STUB1: variants seen among roughly 807,000 people sequenced by gnomAD.
The protein encoded by STUB1 is STIP1 homology and U-box containing protein 1.
STUB1 carries 37 observed loss-of-function variants against 40.3 expected under a neutral mutation model. The observed-to-expected ratio is 0.92, with a 90% CI of 0.71 to 1.21. The LOEUF (loss-of-function observed/expected upper bound fraction) is 1.21, where lower values mean the gene tolerates loss of function less well. Ranked by LOEUF, STUB1 falls within the 50% of genes most tolerant of loss-of-function variation. The pLI is 0.00. For missense variants in STUB1, 460 were observed against 421.9 expected, an observed-to-expected ratio of 1.09 and a Z score of -0.79; for synonymous variants, 246 against 171.9, an observed-to-expected ratio of 1.43 and a Z score of -3.37.
In STUB1 at chr16:681,821, G is replaced by A. The variant is rs757171182; in HGVS notation, c.553G>A (p.Glu185Lys). 84 of 1,607,450 alleles carry A rather than the reference G, an allele frequency of 5.2e-5. No individual in the cohort carries two copies. The highest frequency in any genetic ancestry group is 1.7e-4 in the Middle Eastern group (1 of 6,056). The change falls in exon 4 of 7, where the codon GAG becomes AAG. Residue 185 changes from glutamate to lysine, a missense_variant. Physicochemically the swap from Glu to Lys is moderately conservative, Grantham distance 56. Coordinates refer to ENST00000219548, the MANE Select transcript of STUB1 (RefSeq NM_005861.4). ...RELEECQRNH[E>K]GDEDDSHVRA... ...GCTGGAAGAGTGCCAGCGAAACCAC[G>A]AGGGTGATGAGGACGACAGCCACGT...
chr16:681,213 A>G lies in STUB1; in HGVS notation c.221A>G (p.Gln74Arg). Reference sequence around the variant, plus strand: ...CGGGCCTTGTGCTACCTGAAGATGCAGCAGCACGAGCAGGCCCTGGCCGAC... The same window carrying G: ...CGGGCCTTGTGCTACCTGAAGATGCGGCAGCACGAGCAGGCCCTGGCCGAC... ...TNRALCYLKM[Q>R]QHEQALADCR... The change falls in exon 2 of 7, where the codon CAG (glutamine) becomes CGG (arginine). Residue 74 changes from glutamine (Q) to arginine (R), a missense_variant. By Grantham distance (43) the Gln-to-Arg change is conservative. Transcript: ENST00000219548. 1.2e-6 allele frequency: 2 copies of G among 1,609,222 alleles called. No individual in the cohort carries two copies. Among genetic ancestry groups the G allele is most frequent in the South Asian group, 1.1e-5 (1 of 90,458 alleles).
chr16:681,099 G>C, intron 1 of STUB1, 53 bp from the exon 2 acceptor site: 1 of 1,513,670 alleles, frequency 6.6e-7, no homozygotes, highest in African/African-American at 1.4e-5. Context: ...GTGGGTCAGA[G>C]TGGGCACGCT....
In STUB1 at chr16:681,943, G is replaced by A. The variant is rs541510778; in HGVS notation, c.612+63G>A. 105 of 1,612,554 alleles carry A rather than the reference G, an allele frequency of 6.5e-5. 1 individual carries two copies. The highest frequency in any genetic ancestry group is 5.9e-4 in the South Asian group (54 of 91,046). The stretch of plus-strand genomic sequence containing the variant: ...GTGCACGTGGCGTGGGAGCATCCCC[G>A]CCTTGTGTTGGGTCTGTGCCCCATG... On this transcript the variant is annotated intron_variant, in intron 4 of 6. Coordinates refer to ENST00000219548, the MANE Select transcript of STUB1 (RefSeq NM_005861.4).
chr16:681,972 G>T, intron 4 of STUB1, 48 bp from the exon 5 acceptor site: 1 of 1,612,758 alleles, frequency 6.2e-7, no homozygotes, highest in African/African-American at 1.3e-5. Flanking sequence ...CCCCATGGAG[G>T]AGGGAGGTGG....
intron 4 of STUB1, 24 bp downstream of exon 4, chr16:681,904 G>A (rs1446890756): frequency 6.2e-7 from 1 of 1,613,044 alleles, no homozygotes; most frequent in Non-Finnish European, 8.5e-7. Context: ...CCACCCACAT[G>A]TGGGTCTGTG....
chr16:682,421 C>G lies in STUB1; in HGVS notation c.844C>G (p.Pro282Ala), dbSNP rs763877474. ...RSPLTQEQLI[P>A]NLAMKEVIDA... ...CCCCCTGACCCAGGAACAGCTCATC[C>G]CCAACTTGGCTATGAAGGAGGTTAT... Residue 282 changes from proline (P) to alanine (A), a missense_variant, in exon 7 of 7, where the codon CCC becomes GCC. Coordinates refer to ENST00000219548, the MANE Select transcript of STUB1 (RefSeq NM_005861.4). The G allele has an allele frequency of 4.3e-6, 7 of 1,613,326 alleles. No homozygotes were observed. Among genetic ancestry groups the G allele is most frequent in the East Asian group, 2.2e-5 (1 of 44,890 alleles).
rs2039709506 is a variant in STUB1 at position 682,490 on chromosome 16, G to A, written c.*1G>A. On this transcript the variant is annotated 3_prime_UTR_variant, in exon 7 of 7. Coordinates refer to ENST00000219548, the MANE Select transcript of STUB1 (RefSeq NM_005861.4). ...GAATGGCTGGGTGGAGGACTACTGA[G>A]GTTCCCTGCCCTACCTGGCGTCCTG... The A allele has an allele frequency of 6.2e-7, 1 of 1,613,238 alleles. No individual in the cohort carries two copies. Among genetic ancestry groups the A allele is most frequent in the Non-Finnish European group, 8.5e-7 (1 of 1,180,012 alleles).
Position 680,531 on chromosome 16 carries a change from G to A in STUB1, c.6G>A (p.Lys2=). 3.1e-6 allele frequency: 4 copies of A among 1,305,340 alleles called. No individual in the cohort carries two copies. Among genetic ancestry groups the A allele is most frequent in the Non-Finnish European group, 3.9e-6 (4 of 1,020,044 alleles). The allele number at this position is 1,305,340 out of a possible 1,614,324, so 80.9% of individuals were successfully genotyped here. Residue 2 remains lysine, a synonymous_variant, in exon 1 of 7, where the codon AAG becomes AAA. Transcript: ENST00000219548. This position sits in a 1 kb window ranked among gnomAD's most constrained non-coding sequence, Gnocchi z 4.9. M[K]GKEEKEGGAR... ...AGGCCGTGCCGCGCGGCGCCATGAA[G>A]GGCAAGGAGGAGAAGGAGGGCGGCG...
chr16:681,225 A>G lies in STUB1; in HGVS notation c.233A>G (p.Gln78Arg). Reference sequence around the variant, plus strand: ...TACCTGAAGATGCAGCAGCACGAGCAGGCCCTGGCCGACTGCCGGCGCGCC... The same window carrying G: ...TACCTGAAGATGCAGCAGCACGAGCGGGCCCTGGCCGACTGCCGGCGCGCC... ...LCYLKMQQHE[Q>R]ALADCRRALE... The change falls in exon 2 of 7, where the codon CAG becomes CGG. Residue 78 changes from glutamine (Q) to arginine (R), a missense_variant. By Grantham distance (43) the Gln-to-Arg change is conservative. Transcript: ENST00000219548. 6.2e-7 allele frequency: 1 copy of G among 1,611,440 alleles called. No individual in the cohort carries two copies. Among genetic ancestry groups the G allele is most frequent in the Non-Finnish European group, 8.5e-7 (1 of 1,179,380 alleles).
chr16:681,059 C>T, intron 1 of STUB1, 93 bp from the exon 2 acceptor site: 7 of 1,319,310 alleles, frequency 5.3e-6, no homozygotes, highest in South Asian at 2.9e-5. Context: ...TTTCTTGATT[C>T]TAGCCAGAGC....
chr16:681,924 G>A (rs373742723), intron 4 of STUB1, 44 bp downstream of exon 4: 10 of 1,612,296 alleles, frequency 6.2e-6, no homozygotes, highest in South Asian at 1.1e-5. Flanking sequence ...GTGTGTGCAC[G>A]TGGCGTGGGA....
intron 1 of STUB1, 69 bp from the exon 2 acceptor site, chr16:681,083 C>T (rs1358888190): frequency 1.3e-5 from 19 of 1,449,790 alleles, no homozygotes; most frequent in African/African-American, 1.4e-5. Flanking sequence ...GAAGCTGGGA[C>T]GGGCCGTGGG....
chr16:681,660 C>T lies in STUB1; in HGVS notation c.524+57C>T, dbSNP rs182100203. The T allele has an allele frequency of 2.8e-4, 436 of 1,568,378 alleles. 5 individuals are homozygous for T. In the East Asian group the frequency reaches 6.5e-3, roughly 23 times the overall value. Reference sequence around the variant, plus strand: ...GGGATAATTCTGAATCACCGACTCCCGACACAAGCGTTTATCGAAGGCTTT... The same window carrying T: ...GGGATAATTCTGAATCACCGACTCCTGACACAAGCGTTTATCGAAGGCTTT... On this transcript the variant is annotated intron_variant, in intron 3 of 6. Coordinates refer to ENST00000219548, the MANE Select transcript of STUB1 (RefSeq NM_005861.4).
intron 3 of STUB1, 84 bp downstream of exon 3, chr16:681,687 C>T (rs1225998171): frequency 8.3e-6 from 13 of 1,557,770 alleles, no homozygotes; most frequent in East Asian, 2.3e-5. Context: ...GAAGGCTTTA[C>T]TGGCAAGCAG....
In STUB1 at chr16:680,936, C is replaced by G. The variant is rs2039640694; in HGVS notation, c.160-216C>G. ...CCCCAGGTCCTAAGCCCGGACTCTC[C>G]AAAGATTTGGAAAACTTTACAAAAC... On this transcript the variant is annotated intron_variant, in intron 1 of 6. Transcript: ENST00000219548. The surrounding 1 kb of genome is among the most constrained non-coding windows in gnomAD (Gnocchi z 4.9). The G allele has an allele frequency of 1.5e-6, 1 of 689,176 alleles. No individual in the cohort carries two copies. Among genetic ancestry groups the G allele is most frequent in the Non-Finnish European group, 2.3e-6 (1 of 427,410 alleles). The allele number at this position is 689,176 out of a possible 1,614,324, so 42.7% of individuals were successfully genotyped here.
rs79687861 is a variant in STUB1, at chr16:682,049, T to C, written c.642T>C (p.Leu214=). 2.4e-3 allele frequency: 3,835 copies of C among 1,587,312 alleles called. 82 individuals carry two copies. In the African/African-American group the frequency reaches 0.037, roughly 15 times the overall value. Reference sequence around the variant, plus strand: ...AGTACATGGCGGACATGGACGAGCTTTTTTCTCAGGTGGATGAGAAGAGGA... The same window carrying C: ...AGTACATGGCGGACATGGACGAGCTCTTTTCTCAGGTGGATGAGAAGAGGA... ...HDKYMADMDE[L]FSQVDEKRKK... is the part of the protein sequence containing the mutation. Residue 214 remains leucine, a synonymous_variant, in exon 5 of 7, where the codon CTT becomes CTC. Coordinates refer to ENST00000219548, the MANE Select transcript of STUB1 (RefSeq NM_005861.4).
intron 1 of STUB1, 129 bp from the exon 2 acceptor site, chr16:681,022 AG>A: frequency 1.1e-6 from 1 of 942,726 alleles, no homozygotes. Context: ...CCTTGGACCC[AG>A]GGGCTTTGAC....
Position 681,737 on chromosome 16 carries a change from G to A in STUB1, c.525-56G>A, listed in dbSNP as rs765883057. On this transcript the variant is annotated intron_variant, in intron 3 of 6. Coordinates refer to ENST00000219548, the MANE Select transcript of STUB1 (RefSeq NM_005861.4). Reference sequence around the variant, plus strand: ...TGTGGATGTTAGCTCTGAGATTGGGGTGTGGTCAGACATCTGGCCAGGTCC... The same window carrying A: ...TGTGGATGTTAGCTCTGAGATTGGGATGTGGTCAGACATCTGGCCAGGTCC... The A allele has an allele frequency of 2.6e-6, 4 of 1,553,928 alleles. No homozygotes were observed. In the African/African-American group the frequency reaches 4.1e-5, roughly 16 times the overall value.
In STUB1 at chr16:682,745, G is replaced by C. The variant is rs753301778; in HGVS notation, c.*256G>C. Reference sequence around the variant, plus strand: ...TCTGTGTAATAAAATCCGTGAGCACGAGGTGGGACGTGCTGGTGTGTGACC... The same window carrying C: ...TCTGTGTAATAAAATCCGTGAGCACCAGGTGGGACGTGCTGGTGTGTGACC... On this transcript the variant is annotated 3_prime_UTR_variant, in exon 7 of 7. Coordinates refer to ENST00000219548, the MANE Select transcript of STUB1 (RefSeq NM_005861.4). 2 of 1,594,040 alleles carry C rather than the reference G, an allele frequency of 1.3e-6. No homozygotes were observed. Among genetic ancestry groups the C allele is most frequent in the Admixed American group, 1.7e-5 (1 of 59,164 alleles).
Sources: gnomAD v4.1 joint callset for allele counts on GRCh38, gnomAD v4.1.1 for gene constraint, Gnocchi (gnomAD v3.1) non-coding constraint, MANE v1.5 for transcripts, NCBI Gene and HGNC (gene_info 2026-07-23, HGNC 2026-07-21) for gene names.